The following CMTM6 variants were observed in gnomAD, a reference collection of about 807,000 sequenced individuals.
The protein encoded by CMTM6 is CKLF-like MARVEL transmembrane domain-containing protein 6.
A neutral mutation model predicts 13.6 loss-of-function variants in CMTM6; 5 were observed. The ratio of observed to expected loss-of-function variants is 0.37; its 90% CI spans 0.19 to 0.77. The LOEUF (loss-of-function observed/expected upper bound fraction) is 0.77. CMTM6 is among the 30% of genes least tolerant of loss of function. CMTM6 has a pLI of 0.50. For synonymous variants in CMTM6, 99 were observed against 84.5 expected (o/e 1.17, Z -0.94); for missense variants, 196 against 218.6 (o/e 0.90, Z 0.65).
chr3:32,483,995 T>TC lies in CMTM6; in HGVS notation c.516_517insG (p.Arg173GlufsTer3). 1.2e-6 allele frequency: 2 copies of TC among 1,611,992 alleles called. No homozygotes were observed. The highest frequency in any genetic ancestry group is 8.5e-7 in the Non-Finnish European group (1 of 1,179,444). On this transcript the variant is annotated frameshift_variant, in exon 4 of 4. Coordinates refer to ENST00000205636, the MANE Select transcript of CMTM6 (RefSeq NM_017801.3). LOFTEE classifies it high-confidence loss of function. ...AGTGGCTCAGTGAGGGCTTCAGCCCTAGTGGTATTTTCAGGTTTTCTCAGC... is the reference window on the plus strand; with the variant it reads ...AGTGGCTCAGTGAGGGCTTCAGCCCTCAGTGGTATTTTCAGGTTTTCTCAGC...
In CMTM6 at chr3:32,483,598, A is replaced by C. The variant is rs3773778; in HGVS notation, c.*362T>G. On this transcript the variant is annotated 3_prime_UTR_variant, in exon 4 of 4. Transcript: ENST00000205636. The stretch of plus-strand genomic sequence containing the variant: ...GTAGATGAATATAATCACGATGTTT[A>C]TACAGCTATAAAGCATAATTTGGAA... The C allele has an allele frequency of 6.3e-6, 1 of 159,302 alleles. No homozygotes were observed. The highest frequency in any genetic ancestry group is 1.4e-5 in the Non-Finnish European group (1 of 72,940). 9.9% of individuals were successfully genotyped at this position (159,302 alleles called of 1,614,324 possible). A position where few individuals can be genotyped will look rare whatever the true frequency, so the allele number is the denominator to read the frequency against.
At chr3:32,494,683 G>A (rs1383350666) in intron 1 of CMTM6, among the ~76,000 whole-genome samples, 7 of 151,950 alleles carry the variant, frequency 4.6e-5, no homozygotes, top group African/African-American at 1.7e-4. Context: ...CAATAAAAAG[G>A]AGCAAACTTG....
intron 1 of CMTM6, among the ~76,000 whole-genome samples, chr3:32,497,231 A>C (rs1376528706): frequency 6.6e-6 from 1 of 151,578 alleles, no homozygotes; most frequent in African/African-American, 2.4e-5. Flanking sequence ...AAAATACAAA[A>C]AAAATTAGCC....
intron 1 of CMTM6, among the ~76,000 whole-genome samples, chr3:32,493,495 AAG>A (rs1230772862): frequency 1.3e-5 from 2 of 152,278 alleles, no homozygotes; most frequent in Admixed American, 1.3e-4. Context: ...AGGTCTGTGG[AAG>A]AGTTTGGTGA....
chr3:32,496,240 A>C (rs1697290037), intron 1 of CMTM6, among the ~76,000 whole-genome samples: 1 of 150,550 alleles, frequency 6.6e-6, no homozygotes, highest in Admixed American at 6.6e-5. Context: ...ACTAGCTCCC[A>C]TCTCAAGTTA....
chr3:32,494,537 GA>G lies in CMTM6; in HGVS notation c.139-2652del, dbSNP rs773806044. On this transcript the variant is annotated intron_variant, in intron 1 of 3. Coordinates refer to ENST00000205636, the MANE Select transcript of CMTM6 (RefSeq NM_017801.3). ...TCTTGGGCAACTATCTCAGAGAAAT[GA>G]AAACTTAACATTTGTACAAAAACCG... is the stretch of plus-strand genomic sequence containing the variant. Among the ~76,000 whole-genome samples, 59 of 152,224 alleles carry G rather than the reference GA, an allele frequency of 3.9e-4. 1 individual carries two copies. Among genetic ancestry groups the G allele is most frequent in the Non-Finnish European group, 7.2e-4 (49 of 68,016 alleles).
At chr3:32,497,766 G>A (rs1398593913) in intron 1 of CMTM6, among the ~76,000 whole-genome samples, 12 of 151,576 alleles carry the variant, frequency 7.9e-5, no homozygotes, top group African/African-American at 1.5e-4. Flanking sequence ...GCTGAGGCAG[G>A]AGAATTGCTT....
intron 1 of CMTM6, among the ~76,000 whole-genome samples, chr3:32,498,137 T>G (rs890660146): frequency 6.6e-6 from 1 of 152,212 alleles, no homozygotes; most frequent in Non-Finnish European, 1.5e-5. Context: ...TAACTCCTTC[T>G]AATGACATAA....
intron 1 of CMTM6, among the ~76,000 whole-genome samples, chr3:32,496,640 T>A (rs1161990808): frequency 6.6e-6 from 1 of 152,074 alleles, no homozygotes. Flanking sequence ...TGAGCATTCA[T>A]TATATGTAGG....
rs759559567 is a variant in CMTM6 at position 32,502,694 on chromosome 3, C to T, written c.52G>A (p.Ala18Thr). 8.8e-6 allele frequency: 14 copies of T among 1,584,330 alleles called. No homozygotes were observed. In the African/African-American group the frequency reaches 1.6e-4, roughly 18 times the overall value. Residue 18 changes from alanine (A) to threonine (T), a missense_variant, in exon 1 of 4, where the codon GCC becomes ACC. Transcript: ENST00000205636. ...SPTTEEDPGP[A>T]RGPRSGLAAY... ...GCGAGGCCGCTCCGGGGGCCTCTGG[C>T]GGGGCCCGGGTCCTCCTCCGTAGTG...
chr3:32,492,262 G>A (rs988268609), intron 1 of CMTM6, among the ~76,000 whole-genome samples: 1 of 152,140 alleles, frequency 6.6e-6, no homozygotes, highest in Non-Finnish European at 1.5e-5. Context: ...TCCCAGCAGA[G>A]AAGCAGTATA....
chr3:32,492,455 G>C (rs1049835874), intron 1 of CMTM6, among the ~76,000 whole-genome samples: 1 of 152,160 alleles, frequency 6.6e-6, no homozygotes, highest in African/African-American at 2.4e-5. Context: ...GTAAGCTGAG[G>C]CCAGATCTAA....
chr3:32,497,254 G>A (rs342762), intron 1 of CMTM6, among the ~76,000 whole-genome samples: 10,826 of 150,616 alleles, frequency 0.072, 843 homozygotes, highest in African/African-American at 0.19. Context: ...GCGTGGTGGC[G>A]GGCGCCTGTA....
intron 1 of CMTM6, among the ~76,000 whole-genome samples, chr3:32,494,838 G>A (rs1249949568): frequency 1.3e-5 from 2 of 152,258 alleles, no homozygotes; most frequent in East Asian, 3.9e-4. Context: ...ACAAATTAGT[G>A]GCAGCCAAGA....
intron 1 of CMTM6, among the ~76,000 whole-genome samples, chr3:32,494,292 C>CGACT (rs1468463438): frequency 1.3e-5 from 2 of 152,272 alleles, no homozygotes; most frequent in African/African-American, 4.8e-5. Flanking sequence ...TGACCTAAGT[C>CGACT]AGAGGCTAAA....
In CMTM6 at chr3:32,486,175, C is replaced by T. The variant is rs546893506; in HGVS notation, c.414+1763G>A. 7.6e-4 allele frequency among the ~76,000 whole-genome samples: 116 copies of T among 152,354 alleles called. 3 individuals are homozygous for T. The highest frequency in any genetic ancestry group is 2.6e-3 in the African/African-American group (109 of 41,574). On this transcript the variant is annotated intron_variant, in intron 3 of 3. Transcript: ENST00000205636. ...ACAGGCGTTGACCCACCACCCACCA[C>T]GCCCGGCCTAACTTCAATTTTGTTA...
At chr3:32,495,623 T>A (rs1172064389) in intron 1 of CMTM6, among the ~76,000 whole-genome samples, 1 of 152,188 alleles carries the variant, frequency 6.6e-6, no homozygotes, top group Non-Finnish European at 1.5e-5. Context: ...ACCACTCATT[T>A]TACAATTAGA....
intron 1 of CMTM6, among the ~76,000 whole-genome samples, chr3:32,498,384 A>C (rs1697314530): frequency 6.6e-6 from 1 of 152,190 alleles, no homozygotes; most frequent in Admixed American, 6.5e-5. Flanking sequence ...ATGTTTGTGT[A>C]GGTCTTCCCT....
Position 32,482,587 on chromosome 3 carries a change from A to G in CMTM6, c.*1373T>C, listed in dbSNP as rs929313632. 3 of 152,224 alleles carry G rather than the reference A, an allele frequency of 2.0e-5. No individual in the cohort carries two copies. Among genetic ancestry groups the G allele is most frequent in the African/African-American group, 7.2e-5 (3 of 41,466 alleles). 9.4% of individuals were successfully genotyped at this position (152,224 alleles called of 1,614,324 possible). A position where few individuals can be genotyped will look rare whatever the true frequency, so the allele number is the denominator to read the frequency against. On this transcript the variant is annotated 3_prime_UTR_variant, in exon 4 of 4. Coordinates refer to ENST00000205636, the MANE Select transcript of CMTM6 (RefSeq NM_017801.3). ...ACCTGGACAGAAAGGTCATATCCCA[A>G]GTGCCCTGCCTATCTGTGACAGCTG...
Sources: gnomAD v4.1 joint callset for allele counts (sites outside exome capture counted in the v4.1 genomes callset) on GRCh38, gnomAD v4.1.1 for gene constraint, MANE v1.5 for transcripts, NCBI Gene and HGNC (gene_info 2026-07-23, HGNC 2026-07-21) for gene names.